Variants in U2AF2 observed in about 807,000 individuals in gnomAD.
The protein encoded by U2AF2 is splicing factor U2AF 65 kDa subunit.
In U2AF2, 6 loss-of-function variants were observed where a neutral mutation model predicts 52.6. The ratio of observed to expected loss-of-function variants is 0.11; its 90% CI spans 0.06 to 0.23. The LOEUF (loss-of-function observed/expected upper bound fraction) is 0.23, where lower values mean the gene tolerates loss of function less well. Among genes scored for constraint, U2AF2 ranks in the 10% least tolerant of loss-of-function variants. U2AF2 has a pLI of 1.00. For missense variants in U2AF2, 222 were observed against 677.1 expected (o/e 0.33, Z 7.46); for synonymous variants, 284 against 258.2 (o/e 1.10, Z -0.96).
At chr19:55,662,963 T>C (rs1487710014) in intron 6 of U2AF2, among the ~76,000 whole-genome samples, 1 of 152,086 alleles carries the variant, frequency 6.6e-6, no homozygotes, top group Non-Finnish European at 1.5e-5. Context: ...TTACACCAGC[T>C]AACTGATGTT....
intron 1 of U2AF2, 108 bp downstream of exon 1, chr19:55,655,261 G>GC: frequency 6.3e-6 from 8 of 1,261,280 alleles, no homozygotes; most frequent in South Asian, 1.3e-5. Flanking sequence ...GCCGCGCGGC[G>GC]CCCCCCAACC....
chr19:55,662,760 C>T (rs1360368014), intron 6 of U2AF2, 142 bp downstream of exon 6: 2 of 710,014 alleles, frequency 2.8e-6, no homozygotes, highest in South Asian at 3.4e-5. Flanking sequence ...CTGAAGTGAG[C>T]CCTGTTATAG....
intron 7 of U2AF2, among the ~76,000 whole-genome samples, chr19:55,667,942 CA>C (rs1263106575): frequency 6.6e-6 from 1 of 152,166 alleles, no homozygotes; most frequent in Non-Finnish European, 1.5e-5. Context: ...CACGCTACCA[CA>C]GCCCGCTAAT....
chr19:55,658,161 C>T (rs115182256), intron 1 of U2AF2, among the ~76,000 whole-genome samples: 143 of 152,276 alleles, frequency 9.4e-4, no homozygotes, highest in African/African-American at 3.2e-3. Flanking sequence ...CAGGGATGAT[C>T]ACTCCAGGAG....
At chr19:55,661,225 T>A (rs774225967) in intron 5 of U2AF2, 36 bp downstream of exon 5, 1 of 1,525,064 alleles carries the variant, frequency 6.6e-7, no homozygotes, top group South Asian at 1.2e-5. Flanking sequence ...CTCTCCCTTG[T>A]CCCTCTACCC....
At chr19:55,660,109 G>T (rs1435104269) in intron 2 of U2AF2, 68 bp from the exon 3 acceptor site, 2 of 1,494,680 alleles carry the variant, frequency 1.3e-6, no homozygotes, top group Admixed American at 1.8e-5. Flanking sequence ...CCTTGGGGGG[G>T]TGTGGCATGT....
At chr19:55,661,615 C>A (rs576536739) in intron 5 of U2AF2, among the ~76,000 whole-genome samples, 3 of 151,708 alleles carry the variant, frequency 2.0e-5, no homozygotes, top group East Asian at 1.9e-4. Flanking sequence ...TCCTCTCCCC[C>A]ACGTCCCTCC....
In U2AF2 at chr19:55,661,198, C is replaced by T. The variant is rs1368214720; in HGVS notation, c.486+9C>T. On this transcript the variant is annotated intron_variant, in intron 5 of 11. Coordinates refer to ENST00000308924, the MANE Select transcript of U2AF2 (RefSeq NM_007279.3). ...CCTTTGGCATCACTGAGGTACTGCC[C>T]TCCCCTGCCCCCTACCCTCTCCCTT... The T allele has an allele frequency of 4.4e-6, 7 of 1,584,062 alleles. No homozygotes were observed. Among genetic ancestry groups the T allele is most frequent in the Non-Finnish European group, 5.2e-6 (6 of 1,162,884 alleles).
At chr19:55,657,035 T>C (rs944593376) in intron 1 of U2AF2, among the ~76,000 whole-genome samples, 1 of 152,236 alleles carries the variant, frequency 6.6e-6, no homozygotes, top group Non-Finnish European at 1.5e-5. Context: ...TTGTTGTTCA[T>C]AAGCAGAAAA....
chr19:55,668,614 G>GGGCCCCC lies in U2AF2; in HGVS notation c.822+28_822+29insGGCCCCC. On this transcript the variant is annotated intron_variant, in intron 8 of 11. Coordinates refer to ENST00000308924, the MANE Select transcript of U2AF2 (RefSeq NM_007279.3). The surrounding 1 kb of genome is among the most constrained non-coding windows in gnomAD (Gnocchi z 5.5). ...AACTTCCCTGCCTCCCTCCAGACCCGTCCCCCCACCCCGCCCCACCTCATC... is the reference window on the plus strand; with the variant it reads ...AACTTCCCTGCCTCCCTCCAGACCCGGGCCCCCTCCCCCCACCCCGCCCCACCTCATC... The GGGCCCCC allele has an allele frequency of 7.6e-7, 1 of 1,324,242 alleles. No individual in the cohort carries two copies. Among genetic ancestry groups the GGGCCCCC allele is most frequent in the Non-Finnish European group, 1.1e-6 (1 of 945,514 alleles). The allele number at this position is 1,324,242 out of a possible 1,614,324, so 82.0% of individuals were successfully genotyped here.
intron 11 of U2AF2, chr19:55,672,146 A>G (rs934018610): frequency 6.6e-6 from 1 of 151,732 alleles, no homozygotes; most frequent in Admixed American, 6.6e-5. Context: ...AAAAAAAAAA[A>G]TTACTGCATT....
At chr19:55,661,725 CCT>C (rs1181727494) in intron 5 of U2AF2, 1 of 154,222 alleles carries the variant, frequency 6.5e-6, no homozygotes, top group Non-Finnish European at 1.4e-5. Flanking sequence ...TGTGGCACCC[CCT>C]GAGAATCCCG....
At chr19:55,656,024 T>C (rs970243178) in intron 1 of U2AF2, among the ~76,000 whole-genome samples, 2 of 152,234 alleles carry the variant, frequency 1.3e-5, no homozygotes, top group Admixed American at 1.3e-4. Flanking sequence ...TCTGGCCCAC[T>C]GCGCTAAACT....
intron 1 of U2AF2, among the ~76,000 whole-genome samples, chr19:55,658,655 T>C (rs550021368): frequency 6.6e-6 from 1 of 152,236 alleles, no homozygotes; most frequent in Admixed American, 6.5e-5. Flanking sequence ...TCTCTTCCCC[T>C]GGGAAGGGTG....
intron 4 of U2AF2, 36 bp downstream of exon 4, chr19:55,660,655 G>T: frequency 6.3e-7 from 1 of 1,578,722 alleles, no homozygotes; most frequent in Non-Finnish European, 8.7e-7. Flanking sequence ...AGAGCGGGAG[G>T]GTACAGGGGT....
intron 9 of U2AF2, 64 bp from the exon 10 acceptor site, chr19:55,669,019 C>T (rs1016889911): frequency 2.4e-5 from 37 of 1,566,512 alleles, no homozygotes; most frequent in South Asian, 1.4e-4. Flanking sequence ...GGGTAGGTGT[C>T]GGGCTCCTGG....
rs1983685055 is a variant in U2AF2, at chr19:55,655,089, A to T, written c.-16A>T. The T allele has an allele frequency of 6.2e-7, 1 of 1,606,140 alleles. No individual in the cohort carries two copies. The highest frequency in any genetic ancestry group is 1.4e-5 in the African/African-American group (1 of 73,430). On this transcript the variant is annotated 5_prime_UTR_variant, in exon 1 of 12. Transcript: ENST00000308924. ...CGAGGCGAAAGCTGCACAGGGCCCTACGCGGCCGCCTCAGCATGTCGGACT... is the reference window on the plus strand; with the variant it reads ...CGAGGCGAAAGCTGCACAGGGCCCTTCGCGGCCGCCTCAGCATGTCGGACT...
chr19:55,666,959 GTA>G (rs1984586233), intron 7 of U2AF2, among the ~76,000 whole-genome samples: 1 of 152,214 alleles, frequency 6.6e-6, no homozygotes, highest in African/African-American at 2.4e-5. Flanking sequence ...CTTCTGTGCT[GTA>G]TGTATAGCAT....
chr19:55,666,427 C>T (rs1455710742), intron 7 of U2AF2, among the ~76,000 whole-genome samples: 2 of 152,216 alleles, frequency 1.3e-5, no homozygotes, highest in Non-Finnish European at 2.9e-5. Flanking sequence ...CTCAAGACTC[C>T]GAGAAGATTC....
Sources: gnomAD v4.1 joint callset for allele counts (sites outside exome capture counted in the v4.1 genomes callset) on GRCh38, gnomAD v4.1.1 for gene constraint, Gnocchi (gnomAD v3.1) non-coding constraint, MANE v1.5 for transcripts, NCBI Gene and HGNC (gene_info 2026-07-23, HGNC 2026-07-21) for gene names.